Variants in PHLPP1 observed in about 807,000 individuals in gnomAD.
PHLPP1 encodes the protein PH domain and leucine rich repeat protein phosphatase 1, also known as PH domain leucine-rich repeat-containing protein phosphatase 1.
In PHLPP1, 42 loss-of-function variants were observed where a neutral mutation model predicts 117.2. That is an observed-to-expected ratio of 0.36 (90% CI 0.28 to 0.46). The LOEUF (loss-of-function observed/expected upper bound fraction) is 0.46, where lower values mean the gene tolerates loss of function less well. Ranked by LOEUF, PHLPP1 falls within the 20% of genes least tolerant of loss-of-function variation. PHLPP1 has a pLI of 1.00. For synonymous variants in PHLPP1, 1,042 were observed against 970.7 expected, an observed-to-expected ratio of 1.07 and a Z score of -1.37; for missense variants, 2,084 against 2,241.9, an observed-to-expected ratio of 0.93 and a Z score of 1.42.
intron 10 of PHLPP1, among the ~76,000 whole-genome samples, chr18:62,927,313 CA>C (rs1909662733): frequency 6.6e-6 from 1 of 152,120 alleles, no homozygotes. Context: ...AAAAGATGAA[CA>C]GATCCATATT....
chr18:62,718,560 A>G (rs1418585825), intron 1 of PHLPP1, among the ~76,000 whole-genome samples: 1 of 152,250 alleles, frequency 6.6e-6, no homozygotes, highest in Non-Finnish European at 1.5e-5. Context: ...TTTTACTTGT[A>G]AAGAAAACCA....
chr18:62,905,893 T>C (rs1380167061), intron 8 of PHLPP1, among the ~76,000 whole-genome samples: 1 of 152,206 alleles, frequency 6.6e-6, no homozygotes, highest in Non-Finnish European at 1.5e-5. Flanking sequence ...CCCACAAATA[T>C]TATAGTAGAC....
At chr18:62,866,082 G>A (rs1365037805) in intron 4 of PHLPP1, among the ~76,000 whole-genome samples, 9 of 152,004 alleles carry the variant, frequency 5.9e-5, no homozygotes, top group African/African-American at 2.2e-4. Context: ...TTAAAGTTGG[G>A]GTCTATGGGG....
At chr18:62,765,646 C>T (rs1663505264) in intron 1 of PHLPP1, among the ~76,000 whole-genome samples, 1 of 152,102 alleles carries the variant, frequency 6.6e-6, no homozygotes, top group African/African-American at 2.4e-5. Context: ...CAGGGTAAAG[C>T]ATGTAGTTTT....
chr18:62,931,819 C>T (rs992821866), intron 10 of PHLPP1, among the ~76,000 whole-genome samples: 3 of 143,454 alleles, frequency 2.1e-5, no homozygotes, highest in Non-Finnish European at 3.0e-5. Flanking sequence ...TGCTTGAATC[C>T]GGGAGGCGGA....
At chr18:62,721,361 G>A (rs774026969) in intron 1 of PHLPP1, among the ~76,000 whole-genome samples, 3 of 152,036 alleles carry the variant, frequency 2.0e-5, no homozygotes, top group Non-Finnish European at 4.4e-5. Context: ...TTGTTAAACT[G>A]TAAATCTTCA....
chr18:62,940,773 G>A (rs1451321880), intron 10 of PHLPP1, among the ~76,000 whole-genome samples: 2 of 152,132 alleles, frequency 1.3e-5, no homozygotes, highest in African/African-American at 4.8e-5. Flanking sequence ...CAGAAAAGAG[G>A]CCAGATCATA....
chr18:62,973,936 G>A (rs1911121723), intron 15 of PHLPP1, among the ~76,000 whole-genome samples: 1 of 152,160 alleles, frequency 6.6e-6, no homozygotes, highest in African/African-American at 2.4e-5. Flanking sequence ...TCCCTTCAAA[G>A]GATGTTGTAA....
At chr18:62,901,083 A>AT (rs1223466253) in intron 6 of PHLPP1, among the ~76,000 whole-genome samples, 3 of 152,182 alleles carry the variant, frequency 2.0e-5, no homozygotes, top group South Asian at 4.1e-4. Flanking sequence ...TTTGTTATAG[A>AT]TTTTTTTGTC....
In PHLPP1 at chr18:62,716,514, G is replaced by T; in HGVS notation, c.831G>T (p.Arg277=). Residue 277 remains arginine, a synonymous_variant, in exon 1 of 17, where the codon CGG becomes CGT. Coordinates refer to ENST00000262719, the MANE Select transcript of PHLPP1 (RefSeq NM_194449.4). This position sits in a 1 kb window ranked among gnomAD's most constrained non-coding sequence, Gnocchi z 5.7. ...CCCGGCTGGCGCCCCCGGAGCCGCG[G>T]GACTCGGAGGTACCGCCCGCGAGGA... ...AGPRLAPPEP[R]DSEVPPARSA... The T allele has an allele frequency of 1.7e-6, 2 of 1,195,126 alleles. No homozygotes were observed. The highest frequency in any genetic ancestry group is 2.1e-6 in the Non-Finnish European group (2 of 966,184). 74.0% of individuals were successfully genotyped at this position (1,195,126 alleles called of 1,614,324 possible). A position where few individuals can be genotyped will look rare whatever the true frequency, so the allele number is the denominator to read the frequency against.
intron 10 of PHLPP1, among the ~76,000 whole-genome samples, chr18:62,925,259 A>T (rs1909591860): frequency 6.6e-6 from 1 of 152,120 alleles, no homozygotes; most frequent in Admixed American, 6.5e-5. Context: ...TGCACATTTG[A>T]TGGCCAGACC....
chr18:62,847,525 C>G (rs971700561), intron 3 of PHLPP1, among the ~76,000 whole-genome samples: 29 of 152,060 alleles, frequency 1.9e-4, no homozygotes, highest in African/African-American at 6.8e-4. Flanking sequence ...AAAATAACTT[C>G]TAGGGCTCAA....
intron 1 of PHLPP1, among the ~76,000 whole-genome samples, chr18:62,826,955 A>G (rs1376769351): frequency 6.6e-6 from 1 of 152,092 alleles, no homozygotes; most frequent in Non-Finnish European, 1.5e-5. Flanking sequence ...AGCCGAGATC[A>G]TGCCACTGCA....
chr18:62,764,324 A>G (rs1049524641), intron 1 of PHLPP1, among the ~76,000 whole-genome samples: 3 of 152,076 alleles, frequency 2.0e-5, no homozygotes, highest in Non-Finnish European at 2.9e-5. Context: ...AGCCCCATCC[A>G]CTTTGGGTTC....
At chr18:62,892,741 T>C (rs1916458683) in intron 4 of PHLPP1, among the ~76,000 whole-genome samples, 1 of 151,424 alleles carries the variant, frequency 6.6e-6, no homozygotes, top group Non-Finnish European at 1.5e-5. Context: ...CCAGGCATGG[T>C]GGCGGGTGCC....
intron 14 of PHLPP1, among the ~76,000 whole-genome samples, chr18:62,965,752 C>A (rs1210833472): frequency 6.6e-6 from 1 of 151,290 alleles, no homozygotes; most frequent in Non-Finnish European, 1.5e-5. Context: ...AGCCACTACT[C>A]CCAACCTAGC....
intron 1 of PHLPP1, among the ~76,000 whole-genome samples, chr18:62,776,114 A>G (rs916843017): frequency 1.3e-5 from 2 of 152,184 alleles, no homozygotes; most frequent in African/African-American, 2.4e-5. Flanking sequence ...TGGCTTGCTT[A>G]TGGGAACTGG....
intron 1 of PHLPP1, among the ~76,000 whole-genome samples, chr18:62,779,106 C>G (rs565038869): frequency 4.0e-4 from 61 of 152,222 alleles, no homozygotes; most frequent in African/African-American, 1.4e-3. Flanking sequence ...GAATGCCCTC[C>G]TAGGCCTTCA....
chr18:62,790,546 A>C (rs1330906586), intron 1 of PHLPP1, among the ~76,000 whole-genome samples: 2 of 152,214 alleles, frequency 1.3e-5, no homozygotes, highest in African/African-American at 4.8e-5. Flanking sequence ...AAAGCTCAGT[A>C]ATCTAGAATA....
Sources: gnomAD v4.1 joint callset for allele counts (sites outside exome capture counted in the v4.1 genomes callset) on GRCh38, gnomAD v4.1.1 for gene constraint, Gnocchi (gnomAD v3.1) non-coding constraint, MANE v1.5 for transcripts, NCBI Gene and HGNC (gene_info 2026-07-23, HGNC 2026-07-21) for gene names.